TYR: variants seen among roughly 807,000 people sequenced by gnomAD.
TYR encodes tyrosinase.
A neutral mutation model predicts 51.5 loss-of-function variants in TYR; 58 were observed. The ratio of observed to expected loss-of-function variants is 1.13; its 90% confidence interval spans 0.91 to 1.40. TYR has a LOEUF of 1.40. Among genes scored for constraint, TYR ranks in the 40% most tolerant of loss-of-function variants. The pLI is 0.00. For synonymous variants in TYR, 263 were observed against 235.2 expected (o/e 1.12, Z -1.08); for missense variants, 732 against 647.4 (o/e 1.13, Z -1.42).
intron 3 of TYR, among the ~76,000 whole-genome samples, chr11:89,273,960 T>A (rs1944621445): frequency 6.6e-6 from 1 of 151,868 alleles, no homozygotes; most frequent in Admixed American, 6.6e-5. Context: ...ATGTCTTCAT[T>A]TCAACTTAAT....
chr11:89,258,889 G>T (rs1271617100), intron 3 of TYR, among the ~76,000 whole-genome samples: 2 of 151,986 alleles, frequency 1.3e-5, no homozygotes, highest in Admixed American at 1.3e-4. Flanking sequence ...CAGTGCCTTT[G>T]CCACCCTCAC....
intron 2 of TYR, among the ~76,000 whole-genome samples, chr11:89,198,294 C>G (rs1337236746): frequency 6.6e-6 from 1 of 151,880 alleles, no homozygotes; most frequent in Non-Finnish European, 1.5e-5. Context: ...ACTAGATAGC[C>G]AAGGAGATAG....
At chr11:89,210,880 A>T (rs1943745095) in intron 2 of TYR, among the ~76,000 whole-genome samples, 1 of 152,216 alleles carries the variant, frequency 6.6e-6, no homozygotes, top group Admixed American at 6.5e-5. Context: ...TAAGTGAAGG[A>T]GAAATAAAAT....
chr11:89,247,634 A>G (rs1259969411), intron 3 of TYR, among the ~76,000 whole-genome samples: 2 of 152,198 alleles, frequency 1.3e-5, no homozygotes, highest in Non-Finnish European at 2.9e-5. Flanking sequence ...TCTTAAAGAG[A>G]ATTTCAAGAT....
At chr11:89,235,475 T>C (rs1190764244) in intron 3 of TYR, among the ~76,000 whole-genome samples, 1 of 152,158 alleles carries the variant, frequency 6.6e-6, no homozygotes, top group Non-Finnish European at 1.5e-5. Context: ...ATGTACACAA[T>C]GAAATACTAT....
chr11:89,239,404 T>C (rs897346700), intron 3 of TYR, among the ~76,000 whole-genome samples: 4 of 152,112 alleles, frequency 2.6e-5, no homozygotes, highest in African/African-American at 9.6e-5. Flanking sequence ...GTGGTATCTG[T>C]TGTAATGTCT....
rs775968923 is a variant in TYR, at chr11:89,227,845, G to C, written c.1059G>C (p.Gly353=). ...CAGGATTTGCTAGTCCACTTACTGGGATAGCGGATGCCTCTCAAAGCAGCA... is the reference window on the plus strand; with the variant it reads ...CAGGATTTGCTAGTCCACTTACTGGCATAGCGGATGCCTCTCAAAGCAGCA... ...TLEGFASPLT[G]IADASQSSMH... The change falls in exon 3 of 5, where the codon GGG becomes GGC. Residue 353 remains glycine, a synonymous_variant. Transcript: ENST00000263321. 6.2e-7 allele frequency: 1 copy of C among 1,612,988 alleles called. No individual in the cohort carries two copies. The highest frequency in any genetic ancestry group is 1.1e-5 in the South Asian group (1 of 91,064).
At chr11:89,201,017 T>C in intron 2 of TYR, among the ~76,000 whole-genome samples, 1 of 152,190 alleles carries the variant, frequency 6.6e-6, no homozygotes, top group Non-Finnish European at 1.5e-5. Flanking sequence ...ATAGCATGCA[T>C]TGGTCATTTG....
At chr11:89,214,475 G>A (rs1195191994) in intron 2 of TYR, among the ~76,000 whole-genome samples, 2 of 152,152 alleles carry the variant, frequency 1.3e-5, no homozygotes, top group Non-Finnish European at 2.9e-5. Context: ...AGAGTGTGAC[G>A]ATTCCTCAAG....
chr11:89,279,068 G>T (rs1054889055), intron 3 of TYR, among the ~76,000 whole-genome samples: 1 of 151,668 alleles, frequency 6.6e-6, no homozygotes, highest in South Asian at 2.1e-4. Context: ...GGTGTAGAGG[G>T]ACTCAAAAAT....
Position 89,191,268 on chromosome 11 carries a change from C to A in TYR, c.886C>A (p.Pro296Thr), listed in dbSNP as rs752062836. 1 of 1,613,588 alleles carries A rather than the reference C, an allele frequency of 6.2e-7. No individual in the cohort carries two copies. Among genetic ancestry groups the A allele is most frequent in the Non-Finnish European group, 8.5e-7 (1 of 1,179,738 alleles). The change falls in exon 2 of 5, where the codon CCT (proline) becomes ACT (threonine). Residue 296 changes from proline (P) to threonine (T), a missense_variant. Physicochemically the swap from Pro to Thr is conservative, Grantham distance 38 (BLOSUM62 -1). Coordinates refer to ENST00000263321, the MANE Select transcript of TYR (RefSeq NM_000372.5). ...QSLCNGTPEG[P>T]LRRNPGNHDK... The stretch of plus-strand genomic sequence containing the variant: ...TTTATGCAATGGAACGCCCGAGGGA[C>A]CTTTACGGCGTAATCCTGGAAACCA...
intron 4 of TYR, 118 bp from the exon 5 acceptor site, chr11:89,295,025 A>G: frequency 2.0e-6 from 3 of 1,496,744 alleles, no homozygotes; most frequent in Non-Finnish European, 2.7e-6. Flanking sequence ...GTTAATAAGT[A>G]GTAGAGCTGG....
chr11:89,267,786 G>A (rs1274927885), intron 3 of TYR, among the ~76,000 whole-genome samples: 1 of 151,726 alleles, frequency 6.6e-6, no homozygotes, highest in African/African-American at 2.4e-5. Flanking sequence ...TAGAAAATGG[G>A]CAAGTCATAT....
intron 2 of TYR, among the ~76,000 whole-genome samples, chr11:89,220,413 T>A (rs2135276347): frequency 6.6e-6 from 1 of 152,280 alleles, no homozygotes; most frequent in East Asian, 1.9e-4. Context: ...ATTTGCCCCA[T>A]GATCAAATCA....
At chr11:89,191,542 T>C (rs1943446514) in intron 2 of TYR, 124 bp downstream of exon 2, 1 of 892,518 alleles carries the variant, frequency 1.1e-6, no homozygotes. Context: ...ATGTGTTGTA[T>C]ATACTTATAT....
At chr11:89,179,645 A>G (rs1943274758) in intron 1 of TYR, among the ~76,000 whole-genome samples, 1 of 152,170 alleles carries the variant, frequency 6.6e-6, no homozygotes, top group African/African-American at 2.4e-5. Flanking sequence ...TCTTTAGCTA[A>G]AGGATCTGGT....
chr11:89,240,224 C>T (rs1445652687), intron 3 of TYR, among the ~76,000 whole-genome samples: 1 of 151,810 alleles, frequency 6.6e-6, no homozygotes, highest in African/African-American at 2.4e-5. Flanking sequence ...GTACATCCTG[C>T]ACATGTACCC....
At position 89,251,876 on chromosome 11, in the gene TYR, A is replaced by T. The variant is rs1402947113; in HGVS notation, c.1184+23906A>T. Among the ~76,000 whole-genome samples, 9 of 151,992 alleles carry T rather than the reference A, an allele frequency of 5.9e-5. No homozygotes were observed. In the East Asian group the frequency reaches 1.7e-3, roughly 29 times the overall value. ...ATCAGACAGTTGCTCATATCAGTTA[A>T]ATCATTGAAATGTAATTACCTCTAG... On this transcript the variant is annotated intron_variant, in intron 3 of 4. Transcript: ENST00000263321.
intron 4 of TYR, among the ~76,000 whole-genome samples, chr11:89,293,336 T>TACACAC (rs59899373): frequency 8.5e-4 from 126 of 147,726 alleles, no homozygotes; most frequent in Admixed American, 1.3e-3. Flanking sequence ...ATTTTATGCA[T>TACACAC]ACACACACAC....
Sources: gnomAD v4.1 joint callset for allele counts (sites outside exome capture counted in the v4.1 genomes callset) on GRCh38, gnomAD v4.1.1 for gene constraint, MANE v1.5 for transcripts, NCBI Gene and HGNC (gene_info 2026-07-23, HGNC 2026-07-21) for gene names.